Variants in PPP1R16B observed in about 807,000 individuals in gnomAD.
The protein encoded by PPP1R16B is protein phosphatase 1 regulatory inhibitor subunit 16B.
PPP1R16B carries 14 observed loss-of-function variants against 61.7 expected under a neutral mutation model. The observed-to-expected ratio is 0.23, with a 90% CI of 0.15 to 0.35. The LOEUF is 0.35. Ranked by LOEUF, PPP1R16B falls within the 10% of genes least tolerant of loss-of-function variation. PPP1R16B has a pLI of 1.00. For missense variants in PPP1R16B, 547 were observed against 752.5 expected (o/e 0.73, Z 3.19); for synonymous variants, 266 against 305.3 (o/e 0.87, Z 1.34).
chr20:38,825,372 T>C (rs1251615835), intron 1 of PPP1R16B, among the ~76,000 whole-genome samples: 10 of 152,236 alleles, frequency 6.6e-5, no homozygotes, highest in Non-Finnish European at 1.5e-4. Flanking sequence ...CTTTAGAAGA[T>C]CTTCCTGGTA....
intron 1 of PPP1R16B, among the ~76,000 whole-genome samples, chr20:38,809,281 TCTAGCACCA>T (rs2084683339): frequency 6.6e-6 from 1 of 151,980 alleles, no homozygotes; most frequent in African/African-American, 2.4e-5. Context: ...GGAACTTGAG[TCTAGCACCA>T]GCTTTTCCCC....
At chr20:38,885,612 C>T (rs1261072488) in intron 2 of PPP1R16B, among the ~76,000 whole-genome samples, 1 of 152,214 alleles carries the variant, frequency 6.6e-6, no homozygotes, top group Non-Finnish European at 1.5e-5. Flanking sequence ...TGCCAAATCC[C>T]TGCTCCTTAA....
intron 2 of PPP1R16B, among the ~76,000 whole-genome samples, chr20:38,844,714 T>C (rs774897140): frequency 5.3e-5 from 8 of 152,224 alleles, no homozygotes; most frequent in Non-Finnish European, 7.3e-5. Context: ...AAGATGGTGA[T>C]TGCTAGTACA....
rs936697221 is a variant in PPP1R16B at position 38,907,299 on chromosome 20, ATGGG to A, written c.898+257_898+260del. Among the ~76,000 whole-genome samples, 3 of 144,858 alleles carry A rather than the reference ATGGG, an allele frequency of 2.1e-5. No individual in the cohort carries two copies. The highest frequency in any genetic ancestry group is 5.3e-5 in the African/African-American group (2 of 37,772). The stretch of plus-strand genomic sequence containing the variant: ...GATATTATGAGGTCTGGTTGAATGG[ATGGG>A]TGGGTGGGTGGATGGATGGATGGAT... On this transcript the variant is annotated intron_variant, in intron 8 of 10. Coordinates refer to ENST00000299824, the MANE Select transcript of PPP1R16B (RefSeq NM_015568.4). This position sits in a 1 kb window ranked among gnomAD's most constrained non-coding sequence, Gnocchi z 4.5.
intron 2 of PPP1R16B, among the ~76,000 whole-genome samples, chr20:38,857,878 T>C (rs992584192): frequency 6.6e-6 from 1 of 151,968 alleles, no homozygotes; most frequent in African/African-American, 2.4e-5. Context: ...AGAACTTCAG[T>C]TGGGCACTAG....
chr20:38,851,570 C>T (rs983912696), intron 2 of PPP1R16B, among the ~76,000 whole-genome samples: 2 of 152,032 alleles, frequency 1.3e-5, no homozygotes, highest in Non-Finnish European at 2.9e-5. Flanking sequence ...CATGCACAGA[C>T]ATTTATGGAA....
At chr20:38,853,289 C>A (rs2084981794) in intron 2 of PPP1R16B, among the ~76,000 whole-genome samples, 1 of 152,194 alleles carries the variant, frequency 6.6e-6, no homozygotes, top group Non-Finnish European at 1.5e-5. Flanking sequence ...TTTGTACCAA[C>A]AAACAGAGCT....
chr20:38,820,323 C>T (rs922044236), intron 1 of PPP1R16B, among the ~76,000 whole-genome samples: 7 of 152,172 alleles, frequency 4.6e-5, no homozygotes, highest in African/African-American at 1.7e-4. Flanking sequence ...CTTTGGGAGG[C>T]CGAGGCGAGC....
chr20:38,907,897 A>G lies in PPP1R16B; in HGVS notation c.990A>G (p.Ser330=). Reference sequence around the variant, plus strand: ...TGAAGTCACAGCTGAGGCACAAGTCATCCTTGAGCCGGAGGACCTCCAGCG... The same window carrying G: ...TGAAGTCACAGCTGAGGCACAAGTCGTCCTTGAGCCGGAGGACCTCCAGCG... ...VIMKSQLRHK[S]SLSRRTSSAG... Residue 330 remains serine (S), a synonymous_variant, in exon 9 of 11, where the codon TCA becomes TCG. Coordinates refer to ENST00000299824, the MANE Select transcript of PPP1R16B (RefSeq NM_015568.4). This position sits in a 1 kb window ranked among gnomAD's most constrained non-coding sequence, Gnocchi z 4.5. The G allele has an allele frequency of 1.9e-6, 3 of 1,614,224 alleles. No homozygotes were observed. The highest frequency in any genetic ancestry group is 2.5e-6 in the Non-Finnish European group (3 of 1,180,044).
At chr20:38,892,371 C>A (rs375379352) in intron 3 of PPP1R16B, among the ~76,000 whole-genome samples, 2 of 152,100 alleles carry the variant, frequency 1.3e-5, no homozygotes, top group African/African-American at 4.8e-5. Flanking sequence ...CGCCAGGCTC[C>A]GAGTTTAGCT....
chr20:38,848,949 C>A (rs1347082098), intron 2 of PPP1R16B, among the ~76,000 whole-genome samples: 1 of 152,084 alleles, frequency 6.6e-6, no homozygotes, highest in African/African-American at 2.4e-5. Flanking sequence ...CACTTGTACC[C>A]CTGAACTTAA....
chr20:38,877,372 C>T lies in PPP1R16B; in HGVS notation c.251-12223C>T, dbSNP rs562881537. Among the ~76,000 whole-genome samples the T allele has an allele frequency of 4.8e-4, 72 of 151,256 alleles. 1 individual carries two copies. The highest frequency in any genetic ancestry group is 1.5e-3 in the African/African-American group (61 of 41,144). ...TTGCCCACGCTGGAGTGCAATGGTGCGACCTCGGCCCACTGCAACCTCCAC... is the reference window on the plus strand; with the variant it reads ...TTGCCCACGCTGGAGTGCAATGGTGTGACCTCGGCCCACTGCAACCTCCAC... On this transcript the variant is annotated intron_variant, in intron 2 of 10. Coordinates refer to ENST00000299824, the MANE Select transcript of PPP1R16B (RefSeq NM_015568.4).
chr20:38,900,403 C>G (rs552095905), intron 4 of PPP1R16B, among the ~76,000 whole-genome samples, 178 bp from the exon 5 acceptor site: 1 of 152,296 alleles, frequency 6.6e-6, no homozygotes, highest in East Asian at 1.9e-4. Context: ...CTGAAGCTGT[C>G]GTGCTCTTGG....
Position 38,918,362 on chromosome 20 carries a change from C to T in PPP1R16B, c.1400C>T (p.Pro467Leu), listed in dbSNP as rs771430890. ...YGNPGVADAT[P>L]PWSSYKEQSP... Reference sequence around the variant, plus strand: ...AACCCTGGCGTGGCCGACGCCACCCCGCCCTGGAGCAGCTACAAGGAACAG... The same window carrying T: ...AACCCTGGCGTGGCCGACGCCACCCTGCCCTGGAGCAGCTACAAGGAACAG... Residue 467 changes from proline (P) to leucine (L), a missense_variant, in exon 11 of 11, where the codon CCG becomes CTG. Transcript: ENST00000299824. The surrounding 1 kb of genome is among the most constrained non-coding windows in gnomAD (Gnocchi z 5.3). The T allele has an allele frequency of 4.3e-6, 7 of 1,614,142 alleles. No homozygotes were observed. Among genetic ancestry groups the T allele is most frequent in the East Asian group, 4.5e-5 (2 of 44,864 alleles).
At chr20:38,825,835 G>A (rs2145712867) in intron 1 of PPP1R16B, among the ~76,000 whole-genome samples, 1 of 152,328 alleles carries the variant, frequency 6.6e-6, no homozygotes, top group South Asian at 2.1e-4. Context: ...GCAACTACTG[G>A]ATGATGTAGA....
intron 2 of PPP1R16B, among the ~76,000 whole-genome samples, chr20:38,850,901 G>A (rs368447919): frequency 1.3e-5 from 2 of 151,104 alleles, no homozygotes; most frequent in East Asian, 3.9e-4. Context: ...ACGGGAGGTG[G>A]AGGTTGCAGT....
At chr20:38,816,076 A>G (rs948917733) in intron 1 of PPP1R16B, among the ~76,000 whole-genome samples, 1 of 152,174 alleles carries the variant, frequency 6.6e-6, no homozygotes, top group African/African-American at 2.4e-5. Context: ...CAACTTGATT[A>G]GAAGCAAAAA....
chr20:38,860,174 G>A (rs1245453816), intron 2 of PPP1R16B, among the ~76,000 whole-genome samples: 1 of 152,184 alleles, frequency 6.6e-6, no homozygotes, highest in Admixed American at 6.5e-5. Flanking sequence ...CACCGTGTTG[G>A]TCAGGCTGGT....
chr20:38,918,284 A>G lies in PPP1R16B; in HGVS notation c.1322A>G (p.Asn441Ser), dbSNP rs1413432102. ...PVSAYQYALA[N>S]GDVWKVHEVP... ...AGTGCCTACCAGTATGCGCTGGCCA[A>G]CGGGGATGTCTGGAAGGTGCATGAG... The change falls in exon 11 of 11, where the codon AAC becomes AGC. Residue 441 changes from asparagine to serine, a missense_variant. Physicochemically the swap from Asn to Ser is conservative, Grantham distance 46. Transcript: ENST00000299824. This position sits in a 1 kb window ranked among gnomAD's most constrained non-coding sequence, Gnocchi z 5.3. The G allele has an allele frequency of 2.5e-6, 4 of 1,614,122 alleles. No individual in the cohort carries two copies. Among genetic ancestry groups the G allele is most frequent in the East Asian group, 4.5e-5 (2 of 44,896 alleles).
Sources: gnomAD v4.1 joint callset for allele counts (sites outside exome capture counted in the v4.1 genomes callset) on GRCh38, gnomAD v4.1.1 for gene constraint, Gnocchi (gnomAD v3.1) non-coding constraint, MANE v1.5 for transcripts, NCBI Gene and HGNC (gene_info 2026-07-23, HGNC 2026-07-21) for gene names.